Variants in EPSTI1 observed in about 807,000 individuals in gnomAD.
EPSTI1 encodes the protein epithelial stromal interaction 1.
Under a neutral mutation model 49.9 loss-of-function variants are expected in EPSTI1, and 66 were observed. The ratio of observed to expected loss-of-function variants is 1.32; its 90% CI spans 1.08 to 1.62. The LOEUF (loss-of-function observed/expected upper bound fraction) is 1.62, where lower values mean the gene tolerates loss of function less well. Among genes scored for constraint, EPSTI1 ranks in the 40% most tolerant of loss-of-function variants. EPSTI1 has a pLI of 0.00. For missense variants in EPSTI1, 394 were observed against 365.5 expected, an observed-to-expected ratio of 1.08 and a Z score of -0.64; for synonymous variants, 137 against 130.7, an observed-to-expected ratio of 1.05 and a Z score of -0.33.
At chr13:42,949,460 G>A (rs1182279744) in intron 6 of EPSTI1, among the ~76,000 whole-genome samples, 2 of 152,052 alleles carry the variant, frequency 1.3e-5, no homozygotes, top group Admixed American at 6.6e-5. Flanking sequence ...GCATGGTGTT[G>A]CATGCCTATA....
intron 10 of EPSTI1, chr13:42,889,320 G>A (rs1219249713): frequency 2.1e-5 from 19 of 891,792 alleles, no homozygotes; most frequent in Non-Finnish European, 3.0e-5. Flanking sequence ...AGAAATATGA[G>A]AAGACTGATT....
At chr13:42,983,673 G>A (rs1156654664) in intron 1 of EPSTI1, among the ~76,000 whole-genome samples, 3 of 151,330 alleles carry the variant, frequency 2.0e-5, no homozygotes, top group African/African-American at 7.3e-5. Flanking sequence ...CCAAAATTTG[G>A]TAGATAGACA....
At chr13:42,963,108 A>T in intron 5 of EPSTI1, 147 bp downstream of exon 5, 1 of 714,584 alleles carries the variant, frequency 1.4e-6, no homozygotes. Context: ...GAAGGAAAAA[A>T]ACTGGATGAG....
chr13:42,978,136 G>T (rs1273480900), intron 1 of EPSTI1, among the ~76,000 whole-genome samples: 1 of 151,704 alleles, frequency 6.6e-6, no homozygotes, highest in African/African-American at 2.4e-5. Context: ...CTGGGCCACA[G>T]AGCGAGACTC....
chr13:42,929,478 T>C (rs2153422457), intron 6 of EPSTI1, among the ~76,000 whole-genome samples: 1 of 152,304 alleles, frequency 6.6e-6, no homozygotes, highest in Middle Eastern at 3.4e-3. Flanking sequence ...GCACAAATCC[T>C]GTAGTAGGGT....
chr13:42,905,824 T>A (rs2037482203), intron 8 of EPSTI1, among the ~76,000 whole-genome samples: 1 of 152,112 alleles, frequency 6.6e-6, no homozygotes, highest in Non-Finnish European at 1.5e-5. Context: ...AACACAAAAT[T>A]AAGCTACATG....
intron 10 of EPSTI1, among the ~76,000 whole-genome samples, chr13:42,893,326 A>G (rs572644293): frequency 6.6e-6 from 1 of 152,318 alleles, no homozygotes; most frequent in African/African-American, 2.4e-5. Flanking sequence ...AAAGTCCCCC[A>G]GGAGGTGGAG....
chr13:42,894,610 T>G (rs1320335809), intron 10 of EPSTI1, among the ~76,000 whole-genome samples: 1 of 151,984 alleles, frequency 6.6e-6, no homozygotes, highest in Non-Finnish European at 1.5e-5. Flanking sequence ...GTTTCTTTGA[T>G]GTGTTAGTTT....
At chr13:42,960,101 G>A (rs1199497455) in intron 5 of EPSTI1, among the ~76,000 whole-genome samples, 1 of 152,084 alleles carries the variant, frequency 6.6e-6, no homozygotes. Context: ...TGGGGGGAGG[G>A]GGAGGCAGCA....
intron 5 of EPSTI1, among the ~76,000 whole-genome samples, chr13:42,961,937 G>C (rs947168970): frequency 1.3e-5 from 2 of 152,122 alleles, no homozygotes; most frequent in African/African-American, 4.8e-5. Flanking sequence ...AAATATAAGT[G>C]CTCCATAAGC....
chr13:42,932,338 C>A (rs1295473045), intron 6 of EPSTI1, among the ~76,000 whole-genome samples: 2 of 152,186 alleles, frequency 1.3e-5, no homozygotes, highest in Non-Finnish European at 2.9e-5. Context: ...CCATGGCTAA[C>A]CTCCTGTAAG....
intron 1 of EPSTI1, among the ~76,000 whole-genome samples, chr13:42,991,580 T>C (rs887237627): frequency 2.0e-5 from 3 of 152,356 alleles, no homozygotes; most frequent in Admixed American, 6.5e-5. Context: ...CCAACGCGCC[T>C]GGCCCAGCAC....
intron 8 of EPSTI1, among the ~76,000 whole-genome samples, chr13:42,911,284 CGT>C (rs970308756): frequency 9.0e-6 from 1 of 111,490 alleles, no homozygotes; most frequent in Non-Finnish European, 2.1e-5. Context: ...CGCGCGCACA[CGT>C]GTGTGAGTGT....
intron 8 of EPSTI1, among the ~76,000 whole-genome samples, chr13:42,914,844 G>A (rs1361693262): frequency 1.3e-5 from 2 of 152,150 alleles, no homozygotes; most frequent in Non-Finnish European, 2.9e-5. Context: ...GCATCCAATG[G>A]AGAAGAATGT....
chr13:42,946,307 G>T (rs544886384), intron 6 of EPSTI1, among the ~76,000 whole-genome samples: 1 of 152,264 alleles, frequency 6.6e-6, no homozygotes, highest in African/African-American at 2.4e-5. Flanking sequence ...ATTACAATCG[G>T]CAGGCTGAGC....
chr13:42,903,472 G>C (rs183027912), intron 8 of EPSTI1, among the ~76,000 whole-genome samples: 97 of 152,230 alleles, frequency 6.4e-4, no homozygotes, highest in African/African-American at 2.1e-3. Flanking sequence ...CTAGGTACTG[G>C]GTTGATCTGT....
At chr13:42,933,670 G>A (rs1249111014) in intron 6 of EPSTI1, among the ~76,000 whole-genome samples, 1 of 152,176 alleles carries the variant, frequency 6.6e-6, no homozygotes, top group Non-Finnish European at 1.5e-5. Context: ...ATTGGCAGTT[G>A]GTCAAAGCTG....
At chr13:42,979,533 C>A (rs542818968) in intron 1 of EPSTI1, among the ~76,000 whole-genome samples, 1 of 146,024 alleles carries the variant, frequency 6.8e-6, no homozygotes, top group African/African-American at 2.5e-5. Flanking sequence ...TGCAGTGAGC[C>A]GATATCGCGC....
Position 42,963,328 on chromosome 13 carries a change from T to C in EPSTI1, c.416A>G (p.Glu139Gly). The C allele has an allele frequency of 1.9e-6, 3 of 1,611,522 alleles. No individual in the cohort carries two copies. The highest frequency in any genetic ancestry group is 2.5e-6 in the Non-Finnish European group (3 of 1,179,216). ...TTCCTTCTTGATTCTTACAGATTCT[T>C]CTCTTTTTAGCTAAATTGTATTGAA... Reference protein sequence around the residue: ...QSKYKQKLKREESVRIKKEAE... With the variant: ...QSKYKQKLKRGESVRIKKEAE... Residue 139 changes from glutamate (E) to glycine (G), a missense_variant, in exon 5 of 11, where the codon GAA becomes GGA. Coordinates refer to ENST00000313624, the MANE Select transcript of EPSTI1 (RefSeq NM_033255.5).
Sources: allele counts gnomAD v4.1 joint callset (sites outside exome capture counted in the v4.1 genomes callset), GRCh38; gene constraint gnomAD v4.1.1; transcripts MANE v1.5; gene names NCBI Gene and HGNC (gene_info 2026-07-23, HGNC 2026-07-21).